Variants in LINC00305 observed in about 807,000 individuals in gnomAD.
The protein encoded by LINC00305 is long intergenic non-protein coding RNA 305.
intron 1 of LINC00305, among the ~76,000 whole-genome samples, chr18:64,105,605 G>A (rs780394604): frequency 6.6e-6 from 1 of 152,110 alleles, no homozygotes; most frequent in Non-Finnish European, 1.5e-5. Context: ...TGTGTGTAGA[G>A]TACATGTGTT....
chr18:64,119,697 G>A (rs922254879), intron 1 of LINC00305, among the ~76,000 whole-genome samples: 3 of 152,126 alleles, frequency 2.0e-5, no homozygotes, highest in Non-Finnish European at 4.4e-5. Flanking sequence ...CCTCTCCCAT[G>A]TGTTTTCCCA....
intron 1 of LINC00305, among the ~76,000 whole-genome samples, chr18:64,148,233 GTCTC>G (rs377405903): frequency 1.3e-5 from 2 of 150,312 alleles, no homozygotes; most frequent in Non-Finnish European, 3.0e-5. Flanking sequence ...CTAACCTCAT[GTCTC>G]TCTCTCTCTC....
chr18:64,147,910 G>A (rs997797860), intron 1 of LINC00305, among the ~76,000 whole-genome samples: 1 of 151,674 alleles, frequency 6.6e-6, no homozygotes, highest in Non-Finnish European at 1.5e-5. Flanking sequence ...TTACAATGAA[G>A]TCCTTTTGTC....
intron 3 of LINC00305, among the ~76,000 whole-genome samples, chr18:64,083,513 A>G (rs578207447): frequency 2.6e-4 from 40 of 152,344 alleles, no homozygotes; most frequent in Admixed American, 7.2e-4. Context: ...ACAAACAGCC[A>G]AGAGAAAAAG....
At chr18:64,141,581 A>G (rs2051463317) in intron 1 of LINC00305, among the ~76,000 whole-genome samples, 1 of 152,206 alleles carries the variant, frequency 6.6e-6, no homozygotes, top group Non-Finnish European at 1.5e-5. Flanking sequence ...CCCAAAGTTG[A>G]GATAATGATA....
chr18:64,102,152 T>C (rs1448496524), intron 1 of LINC00305, among the ~76,000 whole-genome samples: 1 of 152,128 alleles, frequency 6.6e-6, no homozygotes, highest in African/African-American at 2.4e-5. Flanking sequence ...CCCATAAACA[T>C]ACACAAGCAC....
At chr18:64,106,465 C>T (rs2051291210) in intron 1 of LINC00305, among the ~76,000 whole-genome samples, 1 of 152,092 alleles carries the variant, frequency 6.6e-6, no homozygotes, top group Non-Finnish European at 1.5e-5. Flanking sequence ...GTTCCAATAA[C>T]AAATGTTCGA....
intron 1 of LINC00305, among the ~76,000 whole-genome samples, chr18:64,116,001 T>A (rs967265149): frequency 6.6e-6 from 1 of 152,188 alleles, no homozygotes; most frequent in Admixed American, 6.5e-5. Context: ...GTAAGGCCAA[T>A]AAGCCAACAG....
intron 1 of LINC00305, among the ~76,000 whole-genome samples, chr18:64,105,723 G>A (rs749551871): frequency 3.9e-5 from 6 of 152,030 alleles, no homozygotes; most frequent in Admixed American, 1.3e-4. Flanking sequence ...TGATCCATGC[G>A]GTTGCTCAAT....
intron 1 of LINC00305, among the ~76,000 whole-genome samples, chr18:64,120,330 G>A (rs2051356262): frequency 6.6e-6 from 1 of 151,996 alleles, no homozygotes; most frequent in African/African-American, 2.4e-5. Context: ...GTTAAGTTTA[G>A]AGAAACACTC....
chr18:64,143,837 T>C (rs1319686231), intron 1 of LINC00305, among the ~76,000 whole-genome samples: 2 of 149,436 alleles, frequency 1.3e-5, no homozygotes, highest in Admixed American at 1.3e-4. Context: ...ATAATTCTTA[T>C]GTATGTATAC....
chr18:64,108,703 A>G (rs767370680), intron 1 of LINC00305, among the ~76,000 whole-genome samples: 9 of 152,252 alleles, frequency 5.9e-5, no homozygotes, highest in Non-Finnish European at 1.2e-4. Context: ...CACATCCACA[A>G]TCTGATAGTG....
chr18:64,140,217 CT>C (rs144171321), intron 1 of LINC00305, among the ~76,000 whole-genome samples: 4 of 150,944 alleles, frequency 2.6e-5, no homozygotes, highest in Admixed American at 6.6e-5. Context: ...TTCTTTCTTT[CT>C]TTTTTTTTGA....
intron 1 of LINC00305, among the ~76,000 whole-genome samples, chr18:64,115,382 C>T (rs1396312322): frequency 2.6e-5 from 4 of 152,038 alleles, no homozygotes; most frequent in Admixed American, 1.3e-4. Context: ...GGAAGCCTCA[C>T]TGAGGAACAA....
intron 3 of LINC00305, among the ~76,000 whole-genome samples, chr18:64,090,481 T>C (rs1205366788): frequency 6.6e-6 from 1 of 152,236 alleles, no homozygotes; most frequent in African/African-American, 2.4e-5. Flanking sequence ...CTAATGGTGA[T>C]TTTTATGATC....
chr18:64,145,071 G>T (rs1430945667), intron 1 of LINC00305, among the ~76,000 whole-genome samples: 1 of 152,144 alleles, frequency 6.6e-6, no homozygotes, highest in East Asian at 1.9e-4. Context: ...GGTCTAACCT[G>T]TTGTCTAGCT....
chr18:64,144,374 A>T (rs1270564625), intron 1 of LINC00305, among the ~76,000 whole-genome samples: 1 of 152,192 alleles, frequency 6.6e-6, no homozygotes, highest in Non-Finnish European at 1.5e-5. Flanking sequence ...CATTAAGATG[A>T]TGGAATTAAG....
At chr18:64,144,075 T>C (rs969016110) in intron 1 of LINC00305, among the ~76,000 whole-genome samples, 4 of 152,208 alleles carry the variant, frequency 2.6e-5, no homozygotes, top group Admixed American at 2.6e-4. Flanking sequence ...CAAATTCTTT[T>C]TATGCCCTGT....
intron 1 of LINC00305, among the ~76,000 whole-genome samples, chr18:64,130,771 G>T (rs1291391991): frequency 1.3e-5 from 2 of 152,128 alleles, no homozygotes; most frequent in African/African-American, 4.8e-5. Flanking sequence ...GACAGAAGTG[G>T]AAAGGGCAAT....
Sources: allele counts gnomAD v4.1 joint callset (sites outside exome capture counted in the v4.1 genomes callset), GRCh38; gene constraint gnomAD v4.1.1; transcripts MANE v1.5; gene names NCBI Gene and HGNC (gene_info 2026-07-23, HGNC 2026-07-21).